The following ST7 variants were observed in gnomAD, a reference collection of about 807,000 sequenced individuals.
The protein encoded by ST7 is suppression of tumorigenicity 7, also known as suppressor of tumorigenicity 7 protein.
A neutral mutation model predicts 78.7 loss-of-function variants in ST7; 28 were observed. The observed-to-expected ratio is 0.36, with a 90% confidence interval of 0.26 to 0.49. The LOEUF is 0.49. Ranked by LOEUF, ST7 falls within the 20% of genes least tolerant of loss-of-function variation. The probability of loss-of-function intolerance (pLI) is 0.99; values close to 1 mark genes in which losing one functional copy is unlikely to be tolerated. For synonymous variants in ST7, 247 were observed against 249.6 expected (o/e 0.99, Z 0.10); for missense variants, 418 against 696.0 (o/e 0.60, Z 4.49).
chr7:117,008,140 A>G (rs1225897181), intron 1 of ST7, among the ~76,000 whole-genome samples: 1 of 152,208 alleles, frequency 6.6e-6, no homozygotes, highest in African/African-American at 2.4e-5. Context: ...ACTTTAATAG[A>G]AATCTGCCGA....
intron 2 of ST7, among the ~76,000 whole-genome samples, chr7:117,114,620 C>T (rs1461343627): frequency 6.6e-6 from 1 of 152,078 alleles, no homozygotes; most frequent in East Asian, 1.9e-4. Flanking sequence ...CTTTCTATTT[C>T]CCATGGGTTT....
At chr7:117,229,352 G>A (rs1793644873) in intron 15 of ST7, among the ~76,000 whole-genome samples, 1 of 152,236 alleles carries the variant, frequency 6.6e-6, no homozygotes, top group South Asian at 2.1e-4. Context: ...TTTAAAGTGA[G>A]CTCTACACCC....
intron 1 of ST7, among the ~76,000 whole-genome samples, chr7:117,093,953 CT>C (rs1800835694): frequency 6.6e-6 from 1 of 152,180 alleles, no homozygotes; most frequent in South Asian, 2.1e-4. Context: ...CCAAAGCCCC[CT>C]ATTCTTTATC....
intron 13 of ST7, among the ~76,000 whole-genome samples, chr7:117,217,288 G>GA (rs769471735): frequency 0.044 from 5,523 of 126,040 alleles, 313 homozygotes; most frequent in African/African-American, 0.15. Flanking sequence ...CTGGATTTGG[G>GA]AAAAAAAAAA....
At chr7:117,092,052 A>G (rs1349314114) in intron 1 of ST7, among the ~76,000 whole-genome samples, 1 of 152,098 alleles carries the variant, frequency 6.6e-6, no homozygotes, top group African/African-American at 2.4e-5. Flanking sequence ...TGCCACCAAC[A>G]TAGAATCTTA....
intron 9 of ST7, among the ~76,000 whole-genome samples, chr7:117,162,371 A>G (rs1183731666): frequency 1.3e-5 from 2 of 151,978 alleles, no homozygotes; most frequent in Non-Finnish European, 2.9e-5. Context: ...TGTCCACATT[A>G]AGATATCTTA....
At chr7:116,993,608 A>G (rs2116398580) in intron 1 of ST7, among the ~76,000 whole-genome samples, 1 of 152,392 alleles carries the variant, frequency 6.6e-6, no homozygotes, top group African/African-American at 2.4e-5. Context: ...CTCCTTGAGA[A>G]CAGAAATCTT....
rs145900278 is a variant in ST7, at chr7:117,190,792, C to T, written c.1152-42C>T. The stretch of plus-strand genomic sequence containing the variant: ...AGATGCTTCCGGGTTGATGCCCAAG[C>T]AGTGGTCCCACCTGGATGGTTTTTG... On this transcript the variant is annotated intron_variant, in intron 11 of 15. Coordinates refer to ENST00000323984, the MANE Select transcript of ST7 (RefSeq NM_001369598.1). This position sits in a 1 kb window ranked among gnomAD's most constrained non-coding sequence, Gnocchi z 5.2. 6.5e-7 allele frequency: 1 copy of T among 1,539,682 alleles called. No homozygotes were observed. Among genetic ancestry groups the T allele is most frequent in the Non-Finnish European group, 9.0e-7 (1 of 1,113,878 alleles).
chr7:116,972,264 T>G, intron 1 of ST7: 2 of 550,710 alleles, frequency 3.6e-6, no homozygotes, highest in Non-Finnish European at 3.4e-6. Context: ...GGTCTTCAAT[T>G]GTATTTTCCA....
At chr7:117,039,015 C>CAA (rs1397288683) in intron 1 of ST7, among the ~76,000 whole-genome samples, 2 of 152,138 alleles carry the variant, frequency 1.3e-5, no homozygotes, top group African/African-American at 4.8e-5. Context: ...CTGAATTTAA[C>CAA]AGCCACAGAA....
intron 1 of ST7, among the ~76,000 whole-genome samples, chr7:117,098,334 C>T (rs1801281002): frequency 6.6e-6 from 1 of 151,916 alleles, no homozygotes; most frequent in South Asian, 2.1e-4. Context: ...ATTGTCCTCC[C>T]ATCCCTCCTC....
chr7:117,059,319 A>C (rs1798227572), intron 1 of ST7, among the ~76,000 whole-genome samples: 1 of 152,164 alleles, frequency 6.6e-6, no homozygotes, highest in Non-Finnish European at 1.5e-5. Context: ...ATACATATCT[A>C]CTATGTACCC....
At chr7:117,059,555 C>T (rs774341029) in intron 1 of ST7, among the ~76,000 whole-genome samples, 8 of 151,754 alleles carry the variant, frequency 5.3e-5, no homozygotes, top group Non-Finnish European at 8.8e-5. Context: ...ATATGAAATT[C>T]CTACTAATTT....
chr7:117,082,172 A>G (rs1399216411), intron 1 of ST7, among the ~76,000 whole-genome samples: 1 of 152,172 alleles, frequency 6.6e-6, no homozygotes, highest in Non-Finnish European at 1.5e-5. Context: ...CATCTACAAA[A>G]TACCTTCACA....
At chr7:117,078,002 G>T (rs1015129666) in intron 1 of ST7, among the ~76,000 whole-genome samples, 1 of 152,088 alleles carries the variant, frequency 6.6e-6, no homozygotes, top group African/African-American at 2.4e-5. Flanking sequence ...TGCTGGAGTT[G>T]TCATTAGAGA....
intron 1 of ST7, among the ~76,000 whole-genome samples, chr7:117,070,689 C>A (rs1464352419): frequency 6.6e-6 from 1 of 151,768 alleles, no homozygotes; most frequent in Non-Finnish European, 1.5e-5. Context: ...TACAGGCGCC[C>A]GCCACCATGC....
intron 1 of ST7, among the ~76,000 whole-genome samples, chr7:117,095,454 C>T (rs957531991): frequency 6.6e-6 from 1 of 152,220 alleles, no homozygotes; most frequent in African/African-American, 2.4e-5. Context: ...AGTTTCTTCT[C>T]AGTGCCACAC....
At chr7:117,140,430 C>T (rs569788905) in intron 9 of ST7, among the ~76,000 whole-genome samples, 34 of 152,162 alleles carry the variant, frequency 2.2e-4, no homozygotes, top group Admixed American at 1.8e-3. Flanking sequence ...TTACCTGAAA[C>T]GATAATTGAC....
At chr7:117,168,886 G>A (rs1400295425) in intron 9 of ST7, among the ~76,000 whole-genome samples, 4 of 152,084 alleles carry the variant, frequency 2.6e-5, no homozygotes, top group Non-Finnish European at 4.4e-5. Flanking sequence ...GCCTGTTTTT[G>A]GTATTATTTC....
Sources: allele counts gnomAD v4.1 joint callset (sites outside exome capture counted in the v4.1 genomes callset), GRCh38; gene constraint gnomAD v4.1.1; non-coding constraint Gnocchi (gnomAD v3.1); transcripts MANE v1.5; gene names NCBI Gene and HGNC (gene_info 2026-07-23, HGNC 2026-07-21).